HIVEP3: variants seen among roughly 807,000 people sequenced by gnomAD.
HIVEP3 encodes HIVEP zinc finger 3, also known as transcription factor HIVEP3.
Under a neutral mutation model 152.8 loss-of-function variants are expected in HIVEP3, and 49 were observed. The ratio of observed to expected loss-of-function variants is 0.32; its 90% CI spans 0.26 to 0.41. The LOEUF (loss-of-function observed/expected upper bound fraction) is 0.41. Ranked by LOEUF, HIVEP3 falls within the 10% of genes least tolerant of loss-of-function variation. The pLI is 1.00. For synonymous variants in HIVEP3, 1,269 were observed against 1,289.0 expected, an observed-to-expected ratio of 0.98 and a Z score of 0.33; for missense variants, 2,790 against 3,103.3, an observed-to-expected ratio of 0.90 and a Z score of 2.40.
At chr1:41,852,809 C>A (rs1643641485) in intron 1 of HIVEP3, among the ~76,000 whole-genome samples, 2 of 152,216 alleles carry the variant, frequency 1.3e-5, no homozygotes, top group South Asian at 4.1e-4. Flanking sequence ...AATGACAAGT[C>A]TCATGCAAAC....
chr1:41,610,850 G>A (rs1178403445), intron 3 of HIVEP3, among the ~76,000 whole-genome samples: 1 of 152,196 alleles, frequency 6.6e-6, no homozygotes, highest in Non-Finnish European at 1.5e-5. Context: ...CTGTTTGTGT[G>A]CCTGAGGGGA....
In HIVEP3 at chr1:41,579,844, T is replaced by C. The variant is rs1280513436; in HGVS notation, c.4954A>G (p.Arg1652Gly). The C allele has an allele frequency of 6.2e-7, 1 of 1,614,034 alleles. No homozygotes were observed. The highest frequency in any genetic ancestry group is 1.3e-5 in the African/African-American group (1 of 74,938). ...TCTTTGCTCACTTTCTGCTTAGACC[T>C]CAGGAGGGACAAAGCAGCTTTAGTG... Reference protein sequence around the residue: ...VSTKAALSLLRSKQKVSKETY... With the variant: ...VSTKAALSLLGSKQKVSKETY... The change falls in exon 4 of 9, where the codon AGG becomes GGG. Residue 1652 changes from arginine to glycine, a missense_variant. By Grantham distance (125) the Arg-to-Gly change is moderately radical. Around this residue, in one of 9 missense-constraint regions of HIVEP3, gnomAD observed 1,078 missense variants for 1,165.3 expected, o/e 0.93. Transcript: ENST00000372583.
At chr1:41,845,246 A>C (rs2124374564) in intron 1 of HIVEP3, among the ~76,000 whole-genome samples, 1 of 152,288 alleles carries the variant, frequency 6.6e-6, no homozygotes, top group East Asian at 1.9e-4. Context: ...AATAATATCC[A>C]TGAGGACAAA....
chr1:42,010,456 AG>A (rs1225667743), intron 1 of HIVEP3, among the ~76,000 whole-genome samples: 6 of 152,046 alleles, frequency 3.9e-5, no homozygotes, highest in South Asian at 4.2e-4. Context: ...TCTGAATGTG[AG>A]GGCTGACTCT....
intron 1 of HIVEP3, among the ~76,000 whole-genome samples, chr1:41,958,021 T>C (rs1159156411): frequency 1.3e-5 from 2 of 152,230 alleles, no homozygotes; most frequent in Non-Finnish European, 2.9e-5. Flanking sequence ...TTGGCATATA[T>C]GGACTCCCAA....
intron 1 of HIVEP3, among the ~76,000 whole-genome samples, chr1:41,897,938 G>GGAGAGAGAGAGAGAGAGAGA (rs71065103): frequency 4.6e-5 from 6 of 129,996 alleles, no homozygotes; most frequent in African/African-American, 1.5e-4. Context: ...TGAGAGAGAG[G>GGAGAGAGAGAGAGAGAGAGA]GAGAGAGAGA....
chr1:41,529,149 A>C (rs1569766336), intron 5 of HIVEP3, among the ~76,000 whole-genome samples: 2 of 55,060 alleles, frequency 3.6e-5, no homozygotes, highest in Non-Finnish European at 7.0e-5. Flanking sequence ...CCTCACACAC[A>C]CCCTCACCCT....
chr1:41,676,010 C>G (rs1354957277), intron 2 of HIVEP3, among the ~76,000 whole-genome samples: 1 of 151,886 alleles, frequency 6.6e-6, no homozygotes, highest in Non-Finnish European at 1.5e-5. Context: ...CACATCACCC[C>G]GCTTCCCCTC....
chr1:41,563,606 C>T (rs112809985), intron 5 of HIVEP3, among the ~76,000 whole-genome samples: 41 of 152,210 alleles, frequency 2.7e-4, no homozygotes, highest in Non-Finnish European at 3.1e-4. Context: ...GGGAACTCGC[C>T]GTCAAAGAGC....
chr1:41,770,203 G>C (rs1479532657), intron 1 of HIVEP3, among the ~76,000 whole-genome samples: 1 of 152,050 alleles, frequency 6.6e-6, no homozygotes, highest in Non-Finnish European at 1.5e-5. Context: ...TCGATCTCCT[G>C]ACCTTGTGAT....
chr1:41,723,412 T>C (rs1049286769), intron 1 of HIVEP3, among the ~76,000 whole-genome samples: 2 of 151,774 alleles, frequency 1.3e-5, no homozygotes, highest in Non-Finnish European at 2.9e-5. Flanking sequence ...ATACTAAAGT[T>C]CTGGTTCCAT....
At chr1:41,749,710 T>C (rs938911240) in intron 1 of HIVEP3, among the ~76,000 whole-genome samples, 1 of 151,932 alleles carries the variant, frequency 6.6e-6, no homozygotes, top group African/African-American at 2.4e-5. Context: ...TATGTGATCT[T>C]GGATAAGACA....
rs615177 is a variant in HIVEP3 at position 41,513,485 on chromosome 1, A to G, written c.5736T>C (p.Ala1912=). 0.63 allele frequency: 1,020,831 copies of G among 1,608,538 alleles called. 328,493 individuals carry two copies. Among genetic ancestry groups the G allele is most frequent in the East Asian group, 0.99 (44,396 of 44,772 alleles). The change falls in exon 8 of 9, where the codon GCT becomes GCC. Residue 1912 remains alanine (A), a synonymous_variant. Coordinates refer to ENST00000372583, the MANE Select transcript of HIVEP3 (RefSeq NM_024503.5). ...CTTCCGAGACCGAGCTGCCTCGTGT[A>G]GCCTCCGTGCCAGAGGCGGGGGCAT... ...PPDAPASGTE[A]TRGSSVSEAE...
At chr1:41,563,797 C>G (rs969504726) in intron 5 of HIVEP3, among the ~76,000 whole-genome samples, 17 of 152,044 alleles carry the variant, frequency 1.1e-4, no homozygotes, top group Non-Finnish European at 2.1e-4. Context: ...GCCAAAAACA[C>G]CAAGTAACAT....
chr1:41,658,320 T>C (rs1290518837), intron 2 of HIVEP3, among the ~76,000 whole-genome samples: 5 of 152,198 alleles, frequency 3.3e-5, no homozygotes, highest in Admixed American at 1.3e-4. Context: ...AAAAAGGACT[T>C]TGGAGCCCAA....
intron 5 of HIVEP3, among the ~76,000 whole-genome samples, chr1:41,549,679 GA>G (rs1558052479): frequency 6.6e-6 from 1 of 152,204 alleles, no homozygotes; most frequent in Non-Finnish European, 1.5e-5. Flanking sequence ...CTTCTTTTGA[GA>G]AGTGTCTGTT....
chr1:41,680,505 T>G (rs1028213973), intron 2 of HIVEP3, among the ~76,000 whole-genome samples: 5 of 152,206 alleles, frequency 3.3e-5, no homozygotes, highest in African/African-American at 1.2e-4. Flanking sequence ...TCCCACTTGC[T>G]TCTTTTTGAA....
intron 2 of HIVEP3, among the ~76,000 whole-genome samples, chr1:41,642,168 C>A (rs148505648): frequency 0.011 from 1,601 of 152,350 alleles, 33 homozygotes; most frequent in African/African-American, 0.037. Context: ...CTGTCCTGCC[C>A]AGCCCACCGA....
chr1:41,878,974 A>C (rs1644219026), intron 1 of HIVEP3, among the ~76,000 whole-genome samples: 1 of 145,672 alleles, frequency 6.9e-6, no homozygotes, highest in Non-Finnish European at 1.5e-5. Context: ...ACGGCTGGGG[A>C]TGGCTCTATC....
Sources: allele counts gnomAD v4.1 joint callset (sites outside exome capture counted in the v4.1 genomes callset), GRCh38; gene constraint gnomAD v4.1.1; regional missense constraint gnomAD v4.1.1; transcripts MANE v1.5; gene names NCBI Gene and HGNC (gene_info 2026-07-23, HGNC 2026-07-21).